The following CAST variants were observed in gnomAD, a reference collection of about 807,000 sequenced individuals.
CAST encodes calpastatin.
In CAST, 76 loss-of-function variants were observed where a neutral mutation model predicts 119.6. That is an observed-to-expected ratio of 0.64 (90% CI 0.53 to 0.77). The LOEUF is 0.77. Ranked by LOEUF, CAST falls within the 30% of genes least tolerant of loss-of-function variation. CAST has a pLI of 0.00. For synonymous variants in CAST, 319 were observed against 331.6 expected, an observed-to-expected ratio of 0.96 and a Z score of 0.41; for missense variants, 953 against 946.5, an observed-to-expected ratio of 1.01 and a Z score of -0.09.
chr5:96,324,775 G>A, the CAST span, among the ~76,000 whole-genome samples: 797 of 151,268 alleles, frequency 5.3e-3, 7 homozygotes, highest in African/African-American at 0.018. Context: ...TTTTCTTCAT[G>A]ACAAGGTACA....
chr5:96,656,234 A>G (rs964735167), intron 1 of CAST, among the ~76,000 whole-genome samples: 6 of 152,274 alleles, frequency 3.9e-5, no homozygotes, highest in African/African-American at 1.4e-4. Flanking sequence ...ACTTAAGAAC[A>G]ATTTGTATAC....
the CAST span, among the ~76,000 whole-genome samples, chr5:96,164,963 T>G: frequency 5.3e-5 from 8 of 152,178 alleles, no homozygotes; most frequent in African/African-American, 1.7e-4. Context: ...GGGTGGAACG[T>G]GAAGAATGGG....
the CAST span, among the ~76,000 whole-genome samples, chr5:96,116,038 TA>T: frequency 6.6e-6 from 1 of 152,036 alleles, no homozygotes; most frequent in East Asian, 1.9e-4. Flanking sequence ...ACTTTTACCA[TA>T]ATCAAGATAT....
At chr5:96,534,925 T>TA (rs1326341716) in intron 1 of CAST, among the ~76,000 whole-genome samples, 20 of 91,494 alleles carry the variant, frequency 2.2e-4, no homozygotes, top group Non-Finnish European at 4.4e-4. Context: ...AGAAAAGGAA[T>TA]AAAGAAAGAA....
chr5:96,482,056 T>A, the CAST span, among the ~76,000 whole-genome samples: 1 of 152,180 alleles, frequency 6.6e-6, no homozygotes, highest in African/African-American at 2.4e-5. Context: ...TGGTGTATAT[T>A]GCTGCAGAGT....
At chr5:96,666,857 G>A (rs1158234228) in intron 1 of CAST, among the ~76,000 whole-genome samples, 1 of 152,162 alleles carries the variant, frequency 6.6e-6, no homozygotes, top group Non-Finnish European at 1.5e-5. Flanking sequence ...ATTCCATGTG[G>A]ATAGGTGGGT....
At chr5:95,996,387 T>G in the CAST span, among the ~76,000 whole-genome samples, 2 of 152,230 alleles carry the variant, frequency 1.3e-5, no homozygotes, top group Non-Finnish European at 2.9e-5. Flanking sequence ...TTCCTGATTC[T>G]GTGAGTCAGT....
chr5:96,512,576 A>G, the CAST span, among the ~76,000 whole-genome samples: 1 of 152,218 alleles, frequency 6.6e-6, no homozygotes, highest in Non-Finnish European at 1.5e-5. Context: ...TTTCCTATAA[A>G]AATTGGGTGA....
intron 20 of CAST, among the ~76,000 whole-genome samples, chr5:96,751,988 G>A (rs1765165645): frequency 2.0e-5 from 3 of 152,140 alleles, no homozygotes; most frequent in Admixed American, 2.0e-4. Context: ...GGCATTTCTG[G>A]GATTGTGACA....
the CAST span, among the ~76,000 whole-genome samples, chr5:96,200,311 C>G: frequency 6.6e-6 from 1 of 152,100 alleles, no homozygotes; most frequent in Non-Finnish European, 1.5e-5. Flanking sequence ...GTCCTCCTCT[C>G]TATAGATATG....
the CAST span, among the ~76,000 whole-genome samples, chr5:96,090,794 T>C: frequency 1.3e-5 from 2 of 151,632 alleles, no homozygotes; most frequent in East Asian, 3.9e-4. Flanking sequence ...AGGAAGCAAC[T>C]AAAGTGTTTT....
chr5:96,502,614 G>GTCTGTCTTTCTTTCTTTCTTTCTT, the CAST span, among the ~76,000 whole-genome samples: 1 of 143,178 alleles, frequency 7.0e-6, no homozygotes, highest in Non-Finnish European at 1.5e-5. Context: ...AAGTTACCTA[G>GTCTGTCTTTCTTTCTTTCTTTCTT]TCTTTCTTTC....
At chr5:96,102,272 G>A in the CAST span, among the ~76,000 whole-genome samples, 10 of 152,216 alleles carry the variant, frequency 6.6e-5, no homozygotes, top group African/African-American at 2.4e-4. Context: ...AGTGTAGAAG[G>A]GAGCAGGAGA....
the CAST span, among the ~76,000 whole-genome samples, chr5:96,076,503 G>A: frequency 6.6e-6 from 1 of 152,134 alleles, no homozygotes; most frequent in African/African-American, 2.4e-5. Flanking sequence ...CCTTCTGCGT[G>A]TAAATAAAAA....
In CAST at chr5:96,774,648, TA is replaced by T. The variant is rs1388933793; in HGVS notation, c.*2036del. The T allele has an allele frequency of 3.4e-5, 33 of 984,760 alleles. No individual in the cohort carries two copies. The highest frequency in any genetic ancestry group is 3.0e-5 in the Non-Finnish European group (25 of 829,308). 61.0% of individuals were successfully genotyped at this position (984,760 alleles called of 1,614,324 possible). ...TTTCCATGTTTCATTAATCAAGGCA[TA>T]AAATACAATTAAAGCAAAATATTTT... On this transcript the variant is annotated 3_prime_UTR_variant, in exon 32 of 32. Transcript: ENST00000675179.
the CAST span, among the ~76,000 whole-genome samples, chr5:96,506,318 T>TATTTTA: frequency 6.6e-6 from 1 of 152,182 alleles, no homozygotes; most frequent in Non-Finnish European, 1.5e-5. Flanking sequence ...CACCTACTAA[T>TATTTTA]GTTTTAAAGA....
At chr5:96,514,194 G>A in the CAST span, among the ~76,000 whole-genome samples, 1 of 152,046 alleles carries the variant, frequency 6.6e-6, no homozygotes, top group Non-Finnish European at 1.5e-5. Context: ...ATTTTTAGGG[G>A]CACAATTCAA....
chr5:96,364,835 G>T, the CAST span, among the ~76,000 whole-genome samples: 1 of 151,772 alleles, frequency 6.6e-6, no homozygotes, highest in Non-Finnish European at 1.5e-5. Context: ...CAGTTCTGCT[G>T]TGATCTTAGT....
intron 25 of CAST, chr5:96,762,734 C>A: frequency 4.0e-6 from 1 of 249,850 alleles, no homozygotes; most frequent in Non-Finnish European, 7.6e-6. Context: ...TTTTCTTATA[C>A]ATTCTATAAT....
Sources: gnomAD v4.1 joint callset for allele counts (sites outside exome capture counted in the v4.1 genomes callset) on GRCh38, gnomAD v4.1.1 for gene constraint, MANE v1.5 for transcripts, NCBI Gene and HGNC (gene_info 2026-07-23, HGNC 2026-07-21) for gene names.